Variants in CPXM2 observed in about 807,000 individuals in gnomAD.
The protein encoded by CPXM2 is inactive carboxypeptidase-like protein X2.
A neutral mutation model predicts 86.1 loss-of-function variants in CPXM2; 66 were observed. The ratio of observed to expected loss-of-function variants is 0.77; its 90% CI spans 0.63 to 0.94. The LOEUF (loss-of-function observed/expected upper bound fraction) is 0.94. Among genes scored for constraint, CPXM2 ranks in the 40% least tolerant of loss-of-function variants. The pLI is 0.00. For synonymous variants in CPXM2, 388 were observed against 400.2 expected, an observed-to-expected ratio of 0.97 and a Z score of 0.36; for missense variants, 948 against 1,026.3, an observed-to-expected ratio of 0.92 and a Z score of 1.04.
intron 4 of CPXM2, among the ~76,000 whole-genome samples, chr10:123,830,157 T>C (rs925301800): frequency 1.3e-5 from 2 of 152,116 alleles, no homozygotes; most frequent in South Asian, 2.1e-4. Flanking sequence ...ATATTAACCA[T>C]ATAGAAATTC....
At chr10:123,752,113 A>C (rs1846092228) in intron 13 of CPXM2, 1 of 985,080 alleles carries the variant, frequency 1.0e-6, no homozygotes, top group Admixed American at 6.1e-5. Flanking sequence ...TTCATTTGTA[A>C]TGTTTAAAAT....
chr10:123,910,878 C>A (rs1380264917), intron 2 of CPXM2, among the ~76,000 whole-genome samples: 1 of 152,150 alleles, frequency 6.6e-6, no homozygotes, highest in Non-Finnish European at 1.5e-5. Context: ...GGTCTGGTGG[C>A]CCCAGGTGTT....
chr10:123,911,967 T>G (rs983872156), intron 2 of CPXM2, among the ~76,000 whole-genome samples: 1 of 151,988 alleles, frequency 6.6e-6, no homozygotes, highest in Non-Finnish European at 1.5e-5. Flanking sequence ...TGAAAGTTTA[T>G]TTGAAAAGCT....
In CPXM2 at chr10:123,885,434, G is replaced by GCT. The variant is rs144610316; in HGVS notation, c.305-5127_305-5126dup. Among the ~76,000 whole-genome samples, 6,657 of 152,220 alleles carry GCT rather than the reference G, an allele frequency of 0.044. 454 individuals carry two copies. The highest frequency in any genetic ancestry group is 0.15 in the African/African-American group (6,143 of 41,504). On this transcript the variant is annotated intron_variant, in intron 1 of 13. Coordinates refer to ENST00000241305, the MANE Select transcript of CPXM2 (RefSeq NM_198148.3). The surrounding 1 kb of genome is among the most constrained non-coding windows in gnomAD (Gnocchi z 4.0). ...GTGGCAGAACCAGACTTTGACCTCA[G>GCT]CTCTCTCTTCATCCTGGAAAAACTC... is the stretch of plus-strand genomic sequence containing the variant.
chr10:123,897,248 A>G (rs996490300), intron 2 of CPXM2, among the ~76,000 whole-genome samples: 6 of 151,832 alleles, frequency 4.0e-5, no homozygotes, highest in African/African-American at 1.5e-4. Flanking sequence ...ATCCCTGACC[A>G]CACCTCTGCA....
intron 2 of CPXM2, among the ~76,000 whole-genome samples, chr10:123,924,855 C>T (rs1221596802): frequency 1.3e-5 from 2 of 152,040 alleles, no homozygotes; most frequent in Non-Finnish European, 2.9e-5. Flanking sequence ...TTTAGGAGCT[C>T]TGTGTCAGGA....
chr10:123,843,731 C>G (rs1458132374), intron 3 of CPXM2, among the ~76,000 whole-genome samples: 4 of 152,176 alleles, frequency 2.6e-5, no homozygotes. Context: ...GCCAAAGGTT[C>G]TGCTGAGCAA....
Position 123,746,733 on chromosome 10 carries a change from G to T in CPXM2, c.*31C>A, listed in dbSNP as rs1280757310. On this transcript the variant is annotated 3_prime_UTR_variant, in exon 14 of 14. Transcript: ENST00000241305. ...TACCAGGTTGGTTTAATTTGCATGG[G>T]TCCCAGACGAGTCTCAAGGGCCCAG... 1 of 1,609,780 alleles carries T rather than the reference G, an allele frequency of 6.2e-7. No homozygotes were observed. Among genetic ancestry groups the T allele is most frequent in the Non-Finnish European group, 8.5e-7 (1 of 1,177,834 alleles).
chr10:123,846,257 C>G (rs953040349), intron 3 of CPXM2, among the ~76,000 whole-genome samples: 1 of 152,110 alleles, frequency 6.6e-6, no homozygotes, highest in East Asian at 1.9e-4. Flanking sequence ...TCAATGGTAG[C>G]CTGAGCTCGT....
chr10:123,814,504 T>C (rs552002226), intron 4 of CPXM2, among the ~76,000 whole-genome samples: 57 of 152,288 alleles, frequency 3.7e-4, no homozygotes, highest in South Asian at 3.3e-3. Flanking sequence ...CCCCTTTATA[T>C]ATCTCTCTAT....
intron 2 of CPXM2, among the ~76,000 whole-genome samples, chr10:123,938,464 G>C (rs559886309): frequency 1.9e-4 from 29 of 152,300 alleles, no homozygotes; most frequent in Non-Finnish European, 2.9e-4. Context: ...CCCTAAGAGA[G>C]GAGGAGAGTA....
At chr10:123,923,772 C>T (rs974324337) in intron 2 of CPXM2, among the ~76,000 whole-genome samples, 1 of 152,082 alleles carries the variant, frequency 6.6e-6, no homozygotes, top group Non-Finnish European at 1.5e-5. Flanking sequence ...ATACTATTCT[C>T]GTAGTGAATT....
At chr10:123,770,733 C>T (rs1589979997) in intron 8 of CPXM2, among the ~76,000 whole-genome samples, 183 bp downstream of exon 8, 1 of 152,250 alleles carries the variant, frequency 6.6e-6, no homozygotes, top group East Asian at 1.9e-4. Flanking sequence ...ATTCTATAGT[C>T]CATATCATAA....
intron 6 of CPXM2, among the ~76,000 whole-genome samples, chr10:123,781,943 A>T (rs1846944417): frequency 6.6e-6 from 1 of 152,236 alleles, no homozygotes. Context: ...AGAACAGCCC[A>T]CTTGCAACAA....
chr10:123,854,413 T>A (rs1215203180), intron 3 of CPXM2, among the ~76,000 whole-genome samples: 58 of 122,050 alleles, frequency 4.8e-4, no homozygotes, highest in Non-Finnish European at 7.3e-4. Context: ...ATATTATATA[T>A]AAAATATATA....
At chr10:123,764,544 T>C (rs1181492599) in intron 10 of CPXM2, among the ~76,000 whole-genome samples, 2 of 152,132 alleles carry the variant, frequency 1.3e-5, no homozygotes, top group Non-Finnish European at 2.9e-5. Context: ...TGGAGTGCAG[T>C]GGCAAAATCT....
At position 123,754,247 on chromosome 10, in the gene CPXM2, C is replaced by T. The variant is rs1846146539; in HGVS notation, c.2017+416G>A. 6.6e-6 allele frequency among the ~76,000 whole-genome samples: 1 copy of T among 152,236 alleles called. No homozygotes were observed. Reference sequence around the variant, plus strand: ...ACTCTCCACTCCTCCACAAGTCACCCAGTCTACAGCTTCTCCCTCTCCGGA... The same window carrying T: ...ACTCTCCACTCCTCCACAAGTCACCTAGTCTACAGCTTCTCCCTCTCCGGA... On this transcript the variant is annotated intron_variant, in intron 13 of 13. Transcript: ENST00000241305. The surrounding 1 kb of genome is among the most constrained non-coding windows in gnomAD (Gnocchi z 4.0).
intron 11 of CPXM2, 102 bp from the exon 12 acceptor site, chr10:123,757,454 G>T: frequency 9.8e-7 from 1 of 1,016,206 alleles, no homozygotes; most frequent in Non-Finnish European, 1.5e-6. Flanking sequence ...CATTCGGAAG[G>T]CCTTGTTTAA....
Position 123,852,293 on chromosome 10 carries a change from T to C in CPXM2, c.514-9805A>G, listed in dbSNP as rs541470092. Among the ~76,000 whole-genome samples, 3 of 152,206 alleles carry C rather than the reference T, an allele frequency of 2.0e-5. No individual in the cohort carries two copies. The South Asian group carries it at 6.2e-4, about 32-fold the overall frequency. On this transcript the variant is annotated intron_variant, in intron 3 of 13. Coordinates refer to ENST00000241305, the MANE Select transcript of CPXM2 (RefSeq NM_198148.3). ...CCATTAGATTACTAGATTATCAGAG[T>C]TGCAGGTTAAAAAGCATGCCCGACT... is the stretch of plus-strand genomic sequence containing the variant.
Sources: allele counts gnomAD v4.1 joint callset (sites outside exome capture counted in the v4.1 genomes callset), GRCh38; gene constraint gnomAD v4.1.1; non-coding constraint Gnocchi (gnomAD v3.1); transcripts MANE v1.5; gene names NCBI Gene and HGNC (gene_info 2026-07-23, HGNC 2026-07-21).